DNER: variants seen among roughly 807,000 people sequenced by gnomAD.
DNER encodes delta/notch like EGF repeat containing, also known as delta and Notch-like epidermal growth factor-related receptor.
In DNER, 33 loss-of-function variants were observed where a neutral mutation model predicts 78.2. The ratio of observed to expected loss-of-function variants is 0.42; its 90% CI spans 0.32 to 0.56. The LOEUF (loss-of-function observed/expected upper bound fraction) is 0.56. Among genes scored for constraint, DNER ranks in the 20% least tolerant of loss-of-function variants. The pLI is 0.11. For synonymous variants in DNER, 417 were observed against 384.8 expected, an observed-to-expected ratio of 1.08 and a Z score of -0.98; for missense variants, 918 against 975.3, an observed-to-expected ratio of 0.94 and a Z score of 0.78.
At chr2:229,541,707 G>A (rs892166114) in intron 5 of DNER, among the ~76,000 whole-genome samples, 3 of 151,780 alleles carry the variant, frequency 2.0e-5, no homozygotes, top group African/African-American at 7.3e-5. Flanking sequence ...TGCAAGATGG[G>A]ATTCTGCATG....
intron 9 of DNER, among the ~76,000 whole-genome samples, chr2:229,413,318 C>CTTTTTTTTTTT (rs751043233): frequency 2.2e-5 from 2 of 89,504 alleles, no homozygotes; most frequent in Non-Finnish European, 4.6e-5. Context: ...TCTTTTTCTT[C>CTTTTTTTTTTT]TTCTTTTTTT....
intron 1 of DNER, among the ~76,000 whole-genome samples, chr2:229,622,906 C>T (rs1698274117): frequency 6.6e-6 from 1 of 152,142 alleles, no homozygotes; most frequent in Non-Finnish European, 1.5e-5. Flanking sequence ...CTCCTGGCCT[C>T]CAAAACTGTG....
At chr2:229,536,281 T>G (rs920960777) in intron 5 of DNER, among the ~76,000 whole-genome samples, 4 of 152,202 alleles carry the variant, frequency 2.6e-5, no homozygotes, top group African/African-American at 9.6e-5. Flanking sequence ...ATGACAGTTT[T>G]CTGACATGAA....
At chr2:229,652,463 C>G (rs900734505) in intron 1 of DNER, among the ~76,000 whole-genome samples, 2 of 152,152 alleles carry the variant, frequency 1.3e-5, no homozygotes, top group Admixed American at 6.5e-5. Flanking sequence ...CCATGGACCA[C>G]GTGCACATCA....
At chr2:229,566,597 C>T (rs1190740270) in intron 4 of DNER, among the ~76,000 whole-genome samples, 1 of 152,098 alleles carries the variant, frequency 6.6e-6, no homozygotes, top group Non-Finnish European at 1.5e-5. Context: ...CAGCCTCAGG[C>T]CTCAAGAAGC....
chr2:229,370,486 C>G (rs1559333129), intron 11 of DNER, among the ~76,000 whole-genome samples: 1 of 152,150 alleles, frequency 6.6e-6, no homozygotes, highest in Non-Finnish European at 1.5e-5. Context: ...GACTGAGTAA[C>G]ATAAATCACC....
intron 5 of DNER, among the ~76,000 whole-genome samples, chr2:229,545,967 G>A (rs560275988): frequency 6.6e-6 from 1 of 152,194 alleles, no homozygotes; most frequent in African/African-American, 2.4e-5. Flanking sequence ...GTGAATGACT[G>A]TGTTTACCTT....
At chr2:229,418,876 G>A (rs764595893) in intron 8 of DNER, among the ~76,000 whole-genome samples, 7 of 151,752 alleles carry the variant, frequency 4.6e-5, no homozygotes, top group African/African-American at 9.7e-5. Flanking sequence ...AGCCAAGATT[G>A]TACCACTGCA....
At chr2:229,650,072 CAAAAAA>C (rs34030074) in intron 1 of DNER, among the ~76,000 whole-genome samples, 1 of 93,164 alleles carries the variant, frequency 1.1e-5, no homozygotes, top group African/African-American at 3.7e-5. Context: ...AAGACTCCGT[CAAAAAA>C]AAAAAAAAAA....
Position 229,381,989 on chromosome 2 carries a change from G to A in DNER, c.1855+6276C>T, listed in dbSNP as rs559775631. 7.6e-4 allele frequency among the ~76,000 whole-genome samples: 115 copies of A among 152,302 alleles called. 1 individual carries two copies. In the South Asian group the frequency reaches 0.018, roughly 23 times the overall value. On this transcript the variant is annotated intron_variant, in intron 11 of 12. Coordinates refer to ENST00000341772, the MANE Select transcript of DNER (RefSeq NM_139072.4). ...TGACAGAGAGACACCTCCCAGCAGG[G>A]ATCAACAGACACCTCATATAGGAGA... is the stretch of plus-strand genomic sequence containing the variant.
At position 229,591,527 on chromosome 2, in the gene DNER, C is replaced by G; in HGVS notation, c.585+53G>C. The G allele has an allele frequency of 6.5e-7, 1 of 1,550,038 alleles. No individual in the cohort carries two copies. The highest frequency in any genetic ancestry group is 1.7e-4 in the Middle Eastern group (1 of 5,766). ...GCTGATACTAGAACCGCTGGAGTCA[C>G]TTTAAGATTTCTGGTTTCTAATGTA... On this transcript the variant is annotated intron_variant, in intron 2 of 12. Transcript: ENST00000341772. This position sits in a 1 kb window ranked among gnomAD's most constrained non-coding sequence, Gnocchi z 4.6.
intron 7 of DNER, among the ~76,000 whole-genome samples, chr2:229,450,955 G>A (rs902023068): frequency 1.3e-5 from 2 of 152,188 alleles, no homozygotes; most frequent in African/African-American, 4.8e-5. Flanking sequence ...TTAGGATCTT[G>A]TGTTTGATTC....
chr2:229,447,349 C>A lies in DNER; in HGVS notation c.1453G>T (p.Val485Leu), dbSNP rs760495086. The A allele has an allele frequency of 6.2e-7, 1 of 1,608,654 alleles. No homozygotes were observed. The highest frequency in any genetic ancestry group is 1.7e-5 in the Admixed American group (1 of 59,324). Residue 485 changes from valine to leucine, a missense_variant, in exon 8 of 13, where the codon GTG becomes TTG. Physicochemically the swap from Val to Leu is conservative, Grantham distance 32 (BLOSUM62 1). Coordinates refer to ENST00000341772, the MANE Select transcript of DNER (RefSeq NM_139072.4). ...CAGAGGCATTTGTAGCTGGTGCCCA[C>A]GCTGCGGCACGTGCCATGAGCACAG... The part of the protein sequence containing the change: ...SPCAHGTCRS[V>L]GTSYKCLCDP...
intron 1 of DNER, among the ~76,000 whole-genome samples, chr2:229,691,451 G>A (rs1217851431): frequency 6.6e-6 from 1 of 151,816 alleles, no homozygotes; most frequent in East Asian, 2.0e-4. Context: ...GTTCTGAGAC[G>A]TGAGATTTAT....
chr2:229,482,158 C>T (rs1695173834), intron 6 of DNER, among the ~76,000 whole-genome samples: 1 of 152,224 alleles, frequency 6.6e-6, no homozygotes, highest in South Asian at 2.1e-4. Flanking sequence ...CCCTCTAAGC[C>T]CCCATGGGCA....
At chr2:229,625,539 C>T (rs1698323891) in intron 1 of DNER, among the ~76,000 whole-genome samples, 1 of 152,120 alleles carries the variant, frequency 6.6e-6, no homozygotes, top group Non-Finnish European at 1.5e-5. Context: ...GGAGCGGGCT[C>T]AAGGGCCAGA....
At chr2:229,367,203 C>T (rs901477630) in intron 11 of DNER, 84 bp from the exon 12 acceptor site, 1 of 1,556,990 alleles carries the variant, frequency 6.4e-7, no homozygotes, top group African/African-American at 1.4e-5. Flanking sequence ...GCATAGATAA[C>T]TTAAAACCTA....
chr2:229,643,096 A>G (rs1047191678), intron 1 of DNER, among the ~76,000 whole-genome samples: 2 of 151,714 alleles, frequency 1.3e-5, no homozygotes, highest in African/African-American at 4.8e-5. Context: ...ATTCACCTTT[A>G]CTCCCACCTA....
At chr2:229,401,398 T>C (rs574455631) in intron 10 of DNER, among the ~76,000 whole-genome samples, 1 of 152,238 alleles carries the variant, frequency 6.6e-6, no homozygotes, top group East Asian at 1.9e-4. Flanking sequence ...ACCTTTTTTA[T>C]AATAGCTGAA....
Sources: allele counts gnomAD v4.1 joint callset (sites outside exome capture counted in the v4.1 genomes callset), GRCh38; gene constraint gnomAD v4.1.1; non-coding constraint Gnocchi (gnomAD v3.1); transcripts MANE v1.5; gene names NCBI Gene and HGNC (gene_info 2026-07-23, HGNC 2026-07-21).